E2F3: variants seen among roughly 807,000 people sequenced by gnomAD.
E2F3 encodes the protein transcription factor E2F3.
E2F3 carries 11 observed loss-of-function variants against 44.4 expected under a neutral mutation model. The observed-to-expected ratio is 0.25, with a 90% CI of 0.16 to 0.41. The LOEUF (loss-of-function observed/expected upper bound fraction) is 0.41. Ranked by LOEUF, E2F3 falls within the 10% of genes least tolerant of loss-of-function variation. The pLI is 1.00. For synonymous variants in E2F3, 249 were observed against 253.0 expected, an observed-to-expected ratio of 0.98 and a Z score of 0.15; for missense variants, 487 against 583.6, an observed-to-expected ratio of 0.83 and a Z score of 1.70.
chr6:20,479,511 G>C (rs539115273), intron 1 of E2F3, among the ~76,000 whole-genome samples: 1 of 152,334 alleles, frequency 6.6e-6, no homozygotes, highest in East Asian at 1.9e-4. Context: ...GCCCCACGGC[G>C]CCTGTGATAT....
At chr6:20,468,903 G>A (rs1733415858) in intron 1 of E2F3, among the ~76,000 whole-genome samples, 1 of 152,178 alleles carries the variant, frequency 6.6e-6, no homozygotes, top group Non-Finnish European at 1.5e-5. Context: ...TCGGGCATCA[G>A]CACAGTGTAT....
intron 1 of E2F3, among the ~76,000 whole-genome samples, chr6:20,474,818 A>T (rs984575926): frequency 2.6e-5 from 4 of 152,240 alleles, no homozygotes; most frequent in Non-Finnish European, 5.9e-5. Context: ...CCATGTTCAG[A>T]TCTGAGACCA....
intron 1 of E2F3, among the ~76,000 whole-genome samples, chr6:20,420,543 G>A (rs1759991694): frequency 6.6e-6 from 1 of 152,108 alleles, no homozygotes; most frequent in Admixed American, 6.6e-5. Context: ...TCACAATAAA[G>A]CAAGTCATAT....
chr6:20,480,353 T>G (rs1762180550), intron 2 of E2F3, among the ~76,000 whole-genome samples: 1 of 152,230 alleles, frequency 6.6e-6, no homozygotes, highest in Non-Finnish European at 1.5e-5. Flanking sequence ...GCTCAGCATA[T>G]GATAGCGTAA....
At chr6:20,428,338 C>T (rs550392256) in intron 1 of E2F3, among the ~76,000 whole-genome samples, 8 of 152,254 alleles carry the variant, frequency 5.3e-5, no homozygotes, top group African/African-American at 1.9e-4. Flanking sequence ...ATTTTCCTGC[C>T]TCAGCCTCCC....
At position 20,476,342 on chromosome 6, in the gene E2F3, G is replaced by T. The variant is rs182322008; in HGVS notation, c.394-3504G>T. On this transcript the variant is annotated intron_variant, in intron 1 of 6. Coordinates refer to ENST00000346618, the MANE Select transcript of E2F3 (RefSeq NM_001949.5). ...GTTGAAATTGCACCACTGCACTCCA[G>T]CCTGGGTGACAGAGCGAGACTCCGG... 8.4e-4 allele frequency among the ~76,000 whole-genome samples: 128 copies of T among 152,170 alleles called. 1 individual carries two copies. Among genetic ancestry groups the T allele is most frequent in the Admixed American group, 2.2e-3 (33 of 15,284 alleles).
chr6:20,441,949 G>A (rs568038850), intron 1 of E2F3, among the ~76,000 whole-genome samples: 1 of 151,918 alleles, frequency 6.6e-6, no homozygotes. Context: ...CCATGCACTA[G>A]GGGATTGACG....
intron 1 of E2F3, among the ~76,000 whole-genome samples, chr6:20,434,237 G>A (rs1456319523): frequency 6.6e-6 from 1 of 152,186 alleles, no homozygotes; most frequent in Non-Finnish European, 1.5e-5. Context: ...AGATAACCAT[G>A]AGCAAATCCA....
chr6:20,469,769 G>A (rs1761831184), intron 1 of E2F3, among the ~76,000 whole-genome samples: 1 of 152,200 alleles, frequency 6.6e-6, no homozygotes, highest in African/African-American at 2.4e-5. Context: ...TACGGTTGGA[G>A]TTTTCTGCAC....
At chr6:20,469,399 G>C (rs1761817054) in intron 1 of E2F3, among the ~76,000 whole-genome samples, 1 of 152,222 alleles carries the variant, frequency 6.6e-6, no homozygotes, top group Non-Finnish European at 1.5e-5. Flanking sequence ...AGGAGAAATA[G>C]TAAAGGTGGT....
intron 1 of E2F3, among the ~76,000 whole-genome samples, chr6:20,441,942 T>C (rs1760790203): frequency 6.6e-6 from 1 of 151,892 alleles, no homozygotes; most frequent in South Asian, 2.1e-4. Context: ...CTACTAGCCA[T>C]GCACTAGGGG....
At chr6:20,415,583 G>A (rs376650439) in intron 1 of E2F3, among the ~76,000 whole-genome samples, 2 of 152,248 alleles carry the variant, frequency 1.3e-5, no homozygotes, top group South Asian at 2.1e-4. Flanking sequence ...GAGAACCACC[G>A]AACTAGACCT....
In E2F3 at chr6:20,493,031, A is replaced by G. The variant is rs757646504; in HGVS notation, c.*2601A>G. ...ATAAAGGGCAACACATGAGCTGTCA[A>G]ACAGTGTTAGGAGTGTGTTTATATG... On this transcript the variant is annotated 3_prime_UTR_variant, in exon 7 of 7. Coordinates refer to ENST00000346618, the MANE Select transcript of E2F3 (RefSeq NM_001949.5). 4.0e-4 allele frequency: 87 copies of G among 216,010 alleles called. No individual in the cohort carries two copies. The highest frequency in any genetic ancestry group is 6.8e-4 in the Non-Finnish European group (73 of 107,122). The allele number at this position is 216,010 out of a possible 1,614,324, so 13.4% of individuals were successfully genotyped here. A position where few individuals can be genotyped will look rare whatever the true frequency, so the allele number is the denominator to read the frequency against.
chr6:20,408,268 A>G (rs1759556379), intron 1 of E2F3, among the ~76,000 whole-genome samples: 3 of 152,240 alleles, frequency 2.0e-5, no homozygotes, highest in Non-Finnish European at 2.9e-5. Context: ...TTCACAAAGA[A>G]AAGTTATACC....
At position 20,467,734 on chromosome 6, in the gene E2F3, C is replaced by A. The variant is rs1017969735; in HGVS notation, c.394-12112C>A. ...TTCTAGCTATTACAGATAACAATAA[C>A]CAAAGGGTTGCATATTTTGTTTTTT... is the stretch of plus-strand genomic sequence containing the variant. On this transcript the variant is annotated intron_variant, in intron 1 of 6. Transcript: ENST00000346618. Among the ~76,000 whole-genome samples the A allele has an allele frequency of 1.2e-4, 18 of 152,316 alleles. No individual in the cohort carries two copies. The East Asian group carries it at 3.5e-3, about 29-fold the overall frequency.
chr6:20,403,255 G>T (rs1346287094), intron 1 of E2F3, among the ~76,000 whole-genome samples: 1 of 152,084 alleles, frequency 6.6e-6, no homozygotes, highest in African/African-American at 2.4e-5. Context: ...AGCCGGGTGC[G>T]GACTGGGGCG....
At chr6:20,445,333 G>C (rs530309322) in intron 1 of E2F3, among the ~76,000 whole-genome samples, 1 of 151,502 alleles carries the variant, frequency 6.6e-6, no homozygotes. Context: ...TCCGCCTCCC[G>C]GGTTCAAGCG....
intron 1 of E2F3, among the ~76,000 whole-genome samples, chr6:20,444,781 A>G (rs1396027675): frequency 6.6e-6 from 1 of 152,196 alleles, no homozygotes; most frequent in Non-Finnish European, 1.5e-5. Context: ...TCGATTCAAG[A>G]TTTTGTTGCT....
intron 1 of E2F3, among the ~76,000 whole-genome samples, chr6:20,417,393 A>G (rs912626977): frequency 2.0e-5 from 3 of 152,204 alleles, no homozygotes; most frequent in Non-Finnish European, 2.9e-5. Flanking sequence ...AAAGCTTTGG[A>G]TTACATACAG....
Sources: allele counts gnomAD v4.1 joint callset (sites outside exome capture counted in the v4.1 genomes callset), GRCh38; gene constraint gnomAD v4.1.1; transcripts MANE v1.5; gene names NCBI Gene and HGNC (gene_info 2026-07-23, HGNC 2026-07-21).